SLC23A2: variants seen among roughly 807,000 people sequenced by gnomAD.
The protein encoded by SLC23A2 is Na(+)/L-ascorbic acid transporter 2.
In SLC23A2, 36 loss-of-function variants were observed where a neutral mutation model predicts 73.3. The observed-to-expected ratio is 0.49, with a 90% CI of 0.38 to 0.65. The LOEUF is 0.65. SLC23A2 is among the 30% of genes least tolerant of loss of function. The pLI, the probability that SLC23A2 is intolerant of heterozygous loss-of-function variation, is 0.00. For missense variants in SLC23A2, 507 were observed against 841.6 expected (o/e 0.60, Z 4.92); for synonymous variants, 343 against 327.3 (o/e 1.05, Z -0.52).
In SLC23A2 at chr20:4,902,248, C is replaced by A. The variant is rs1013814885; in HGVS notation, c.324+194G>T. 3.3e-5 allele frequency among the ~76,000 whole-genome samples: 5 copies of A among 152,214 alleles called. No individual in the cohort carries two copies. The highest frequency in any genetic ancestry group is 5.9e-5 in the Non-Finnish European group (4 of 68,042). On this transcript the variant is annotated intron_variant, in intron 5 of 16. Transcript: ENST00000338244. The surrounding 1 kb of genome is among the most constrained non-coding windows in gnomAD (Gnocchi z 4.0). ...TGAGCTCCTAGGCTCCAGTGATCTG[C>A]CCACCTCAGCCTCCAAAACTGCTAG...
intron 9 of SLC23A2, among the ~76,000 whole-genome samples, chr20:4,878,272 C>T (rs1930736167): frequency 6.6e-6 from 1 of 152,122 alleles, no homozygotes; most frequent in Non-Finnish European, 1.5e-5. Flanking sequence ...TTGCAACCTC[C>T]ACCTCGTGGG....
intron 10 of SLC23A2, among the ~76,000 whole-genome samples, chr20:4,874,356 G>A (rs1010723525): frequency 3.3e-5 from 5 of 152,186 alleles, no homozygotes; most frequent in African/African-American, 7.2e-5. Flanking sequence ...CAGTCCCAAG[G>A]ACAGTGTCCC....
In SLC23A2 at chr20:4,856,911, A is replaced by T; in HGVS notation, c.*61T>A. 2 of 1,033,858 alleles carry T rather than the reference A, an allele frequency of 1.9e-6. No homozygotes were observed. Among genetic ancestry groups the T allele is most frequent in the Non-Finnish European group, 3.0e-6 (2 of 672,920 alleles). 64.0% of individuals were successfully genotyped at this position (1,033,858 alleles called of 1,614,324 possible). ...ACAAACATGTATTTTACTTCTTGTT[A>T]CTCAGCAAGGAACTACAGATACATG... On this transcript the variant is annotated 3_prime_UTR_variant, in exon 17 of 17. Coordinates refer to ENST00000338244, the MANE Select transcript of SLC23A2 (RefSeq NM_005116.6). This position sits in a 1 kb window ranked among gnomAD's most constrained non-coding sequence, Gnocchi z 4.6.
chr20:4,907,429 A>C (rs1250392974), intron 4 of SLC23A2, among the ~76,000 whole-genome samples: 1 of 152,244 alleles, frequency 6.6e-6, no homozygotes, highest in East Asian at 1.9e-4. Context: ...AAGACTAAAA[A>C]AATGAAGGCA....
At chr20:4,889,050 A>G (rs1452979850) in intron 6 of SLC23A2, among the ~76,000 whole-genome samples, 1 of 152,202 alleles carries the variant, frequency 6.6e-6, no homozygotes, top group Non-Finnish European at 1.5e-5. Flanking sequence ...TGACACCAGC[A>G]CAATTATAAG....
At chr20:4,958,287 T>C (rs2087324140) in intron 2 of SLC23A2, among the ~76,000 whole-genome samples, 1 of 152,216 alleles carries the variant, frequency 6.6e-6, no homozygotes, top group African/African-American at 2.4e-5. Context: ...ATTGCTGCCC[T>C]ACTCCTGTAG....
intron 1 of SLC23A2, among the ~76,000 whole-genome samples, chr20:4,988,956 G>T (rs887994323): frequency 6.6e-6 from 1 of 151,874 alleles, no homozygotes; most frequent in Admixed American, 6.6e-5. Context: ...CGCTAACTAG[G>T]CCGGGCGCGG....
chr20:4,903,021 C>T (rs1931809110), intron 4 of SLC23A2, among the ~76,000 whole-genome samples: 2 of 152,102 alleles, frequency 1.3e-5, no homozygotes, highest in South Asian at 4.1e-4. Flanking sequence ...TAAAAAGGAT[C>T]TTTGTACTTT....
chr20:4,897,486 G>A (rs1361141528), intron 6 of SLC23A2, among the ~76,000 whole-genome samples: 1 of 152,124 alleles, frequency 6.6e-6, no homozygotes, highest in Non-Finnish European at 1.5e-5. Context: ...TGGGCATGGG[G>A]CGCACAGACA....
chr20:4,948,141 A>G (rs2122979141), intron 2 of SLC23A2, among the ~76,000 whole-genome samples: 1 of 152,278 alleles, frequency 6.6e-6, no homozygotes, highest in East Asian at 1.9e-4. Flanking sequence ...AGGTGCTGGG[A>G]GAAGCATCTC....
chr20:4,971,677 C>T (rs1232529254), intron 1 of SLC23A2, among the ~76,000 whole-genome samples: 3 of 151,078 alleles, frequency 2.0e-5, no homozygotes, highest in Non-Finnish European at 4.4e-5. Context: ...GTCACAGCTA[C>T]TCAGGAGGCT....
intron 1 of SLC23A2, among the ~76,000 whole-genome samples, chr20:4,996,456 G>C (rs923788938): frequency 6.6e-6 from 1 of 152,058 alleles, no homozygotes; most frequent in African/African-American, 2.4e-5. Context: ...GGGAGGCCAA[G>C]GTGGGCGGAT....
In SLC23A2 at chr20:4,856,858, C is replaced by T. The variant is rs1929731238; in HGVS notation, c.*114G>A. 1.4e-6 allele frequency: 1 copy of T among 713,954 alleles called. No homozygotes were observed. The allele number at this position is 713,954 out of a possible 1,614,324, so 44.2% of individuals were successfully genotyped here. A position where few individuals can be genotyped will look rare whatever the true frequency, so the allele number is the denominator to read the frequency against. ...AAGTGATTCGCAGTCTGTCTTAGCT[C>T]TGGGGCGCAGAATGTAAATGTAGAT... On this transcript the variant is annotated 3_prime_UTR_variant, in exon 17 of 17. Coordinates refer to ENST00000338244, the MANE Select transcript of SLC23A2 (RefSeq NM_005116.6). The surrounding 1 kb of genome is among the most constrained non-coding windows in gnomAD (Gnocchi z 4.6).
chr20:4,871,134 C>A (rs1222644263), intron 11 of SLC23A2, among the ~76,000 whole-genome samples: 1 of 152,148 alleles, frequency 6.6e-6, no homozygotes, highest in Non-Finnish European at 1.5e-5. Flanking sequence ...TCCGTTGAAG[C>A]ATTAGTTATA....
chr20:5,004,452 T>G (rs77639200), upstream of SLC23A2, among the ~76,000 whole-genome samples: 581 of 152,282 alleles, frequency 3.8e-3, 4 homozygotes, highest in African/African-American at 0.013. Context: ...CCTGTTGGAC[T>G]CAAGACTAAT....
Position 4,857,272 on chromosome 20 carries a change from C to T in SLC23A2, c.1721-68G>A, listed in dbSNP as rs547442683. ...GCAGCTCTACTGAAAATGAAACTGT[C>T]GTCAAACACATACACACACACACAC... On this transcript the variant is annotated intron_variant, in intron 16 of 16. Transcript: ENST00000338244. This position sits in a 1 kb window ranked among gnomAD's most constrained non-coding sequence, Gnocchi z 4.0. 60 of 663,518 alleles carry T rather than the reference C, an allele frequency of 9.0e-5. No individual in the cohort carries two copies. The highest frequency in any genetic ancestry group is 3.3e-4 in the Admixed American group (13 of 39,090). 41.1% of individuals were successfully genotyped at this position (663,518 alleles called of 1,614,324 possible).
chr20:4,878,029 C>G (rs145449805), intron 9 of SLC23A2, among the ~76,000 whole-genome samples: 1 of 152,350 alleles, frequency 6.6e-6, no homozygotes, highest in East Asian at 1.9e-4. Context: ...CTTTTTCACA[C>G]TTTAATGAGC....
chr20:4,857,095 T>A lies in SLC23A2; in HGVS notation c.1830A>T (p.Ile610=), dbSNP rs770444560. Residue 610 remains isoleucine, a synonymous_variant, in exon 17 of 17, where the codon ATA becomes ATT. Transcript: ENST00000338244. This position sits in a 1 kb window ranked among gnomAD's most constrained non-coding sequence, Gnocchi z 4.0. Reference sequence around the variant, plus strand: ...AGTAGCTGAAGCATCTGTATTTTTTTATAATGTTCATGCCAAATGGCAAAT... The same window carrying A: ...AGTAGCTGAAGCATCTGTATTTTTTAATAATGTTCATGCCAAATGGCAAAT... ...SYNLPFGMNI[I]KKYRCFSYLP... The A allele has an allele frequency of 4.3e-6, 7 of 1,614,006 alleles. No homozygotes were observed. The Admixed American group carries it at 1.0e-4, about 23-fold the overall frequency.
chr20:5,008,311 C>T (rs1600226870), intron 1 of SLC23A2, among the ~76,000 whole-genome samples: 2 of 152,132 alleles, frequency 1.3e-5, no homozygotes, highest in African/African-American at 2.4e-5. Flanking sequence ...CCACAACCCC[C>T]TACCCCTTGA....
Sources: gnomAD v4.1 joint callset for allele counts (sites outside exome capture counted in the v4.1 genomes callset) on GRCh38, gnomAD v4.1.1 for gene constraint, Gnocchi (gnomAD v3.1) non-coding constraint, MANE v1.5 for transcripts, NCBI Gene and HGNC (gene_info 2026-07-23, HGNC 2026-07-21) for gene names.